Variants in CSMD1 observed in about 807,000 individuals in gnomAD.
CSMD1 encodes CUB and Sushi multiple domains 1.
CSMD1 carries 213 observed loss-of-function variants against 417.5 expected under a neutral mutation model. The ratio of observed to expected loss-of-function variants is 0.51; its 90% CI spans 0.46 to 0.57. The LOEUF is 0.57. Ranked by LOEUF, CSMD1 falls within the 20% of genes least tolerant of loss-of-function variation. The pLI, the probability that CSMD1 is intolerant of heterozygous loss-of-function variation, is 0.00. For synonymous variants in CSMD1, 2,862 were observed against 1,736.8 expected (o/e 1.65, Z -16.11); for missense variants, 6,923 against 4,529.7 (o/e 1.53, Z -15.17).
intron 1 of CSMD1, among the ~76,000 whole-genome samples, chr8:4,796,664 G>A (rs1797999117): frequency 6.6e-6 from 1 of 152,126 alleles, no homozygotes; most frequent in Non-Finnish European, 1.5e-5. Context: ...AAACAAATGA[G>A]CAACCAACTC....
intron 11 of CSMD1, among the ~76,000 whole-genome samples, chr8:3,479,423 G>C (rs1309839328): frequency 6.6e-6 from 1 of 152,114 alleles, no homozygotes; most frequent in African/African-American, 2.4e-5. Flanking sequence ...TGGGATTACA[G>C]GCATGCACCA....
In CSMD1 at chr8:4,271,579, A is replaced by C. The variant is rs1585133717; in HGVS notation, c.415+148374T>G. ...TACATTTCAAAAGAGAGAAAAAAAAAAGGCAAAGAAAATCTCAGGTGCCTG... is the reference window on the plus strand; with the variant it reads ...TACATTTCAAAAGAGAGAAAAAAAACAGGCAAAGAAAATCTCAGGTGCCTG... On this transcript the variant is annotated intron_variant, in intron 3 of 69. Coordinates refer to ENST00000635120, the MANE Select transcript of CSMD1 (RefSeq NM_033225.6). Among the ~76,000 whole-genome samples, 3 of 152,252 alleles carry C rather than the reference A, an allele frequency of 2.0e-5. No individual in the cohort carries two copies. The East Asian group carries it at 5.8e-4, about 29-fold the overall frequency.
chr8:3,291,021 G>A (rs1478776993), intron 25 of CSMD1, among the ~76,000 whole-genome samples: 1 of 152,108 alleles, frequency 6.6e-6, no homozygotes, highest in Non-Finnish European at 1.5e-5. Flanking sequence ...TTTTTTGAGA[G>A]TTTTTAGCAT....
At chr8:3,511,802 CAT>C (rs1797082666) in intron 10 of CSMD1, among the ~76,000 whole-genome samples, 1 of 149,320 alleles carries the variant, frequency 6.7e-6, no homozygotes, top group Non-Finnish European at 1.5e-5. Flanking sequence ...CATAACATAA[CAT>C]AACATAACAT....
At chr8:3,180,440 G>A (rs1364210849) in intron 37 of CSMD1, among the ~76,000 whole-genome samples, 2 of 152,108 alleles carry the variant, frequency 1.3e-5, no homozygotes, top group South Asian at 2.1e-4. Flanking sequence ...GCAGAAGTCA[G>A]GATTGTCCAC....
rs1225614618 is a variant in CSMD1 at position 4,792,287 on chromosome 8, TA to T, written c.86-154730del. ...CAAACACATCCTAACTACACCCCTA[TA>T]AAGGTGCATGGTCCCTAAGAGTTCT... On this transcript the variant is annotated intron_variant, in intron 1 of 69. Coordinates refer to ENST00000635120, the MANE Select transcript of CSMD1 (RefSeq NM_033225.6). Among the ~76,000 whole-genome samples, 3 of 152,268 alleles carry T rather than the reference TA, an allele frequency of 2.0e-5. No homozygotes were observed. The East Asian group carries it at 5.8e-4, about 29-fold the overall frequency.
intron 1 of CSMD1, among the ~76,000 whole-genome samples, chr8:4,928,347 G>A (rs1807015528): frequency 1.3e-5 from 2 of 152,126 alleles, no homozygotes; most frequent in Admixed American, 6.5e-5. Flanking sequence ...CGGTATCACT[G>A]TCTGTGGTTA....
chr8:3,044,533 C>A (rs1030112126), intron 50 of CSMD1, among the ~76,000 whole-genome samples: 1 of 152,050 alleles, frequency 6.6e-6, no homozygotes, highest in Admixed American at 6.6e-5. Context: ...GACTGTTAAA[C>A]CCAGTCCGTT....
At chr8:3,395,082 G>A (rs778768792) in intron 17 of CSMD1, among the ~76,000 whole-genome samples, 1 of 152,110 alleles carries the variant, frequency 6.6e-6, no homozygotes, top group Non-Finnish European at 1.5e-5. Context: ...AGTAATAGGA[G>A]GTGATGTGGG....
intron 23 of CSMD1, among the ~76,000 whole-genome samples, chr8:3,315,354 G>C (rs532834523): frequency 6.6e-6 from 1 of 151,478 alleles, no homozygotes; most frequent in Non-Finnish European, 1.5e-5. Context: ...CCTGAAATGT[G>C]TGATTATTTC....
intron 52 of CSMD1, among the ~76,000 whole-genome samples, chr8:3,013,967 G>A (rs909868755): frequency 6.6e-6 from 1 of 152,046 alleles, no homozygotes; most frequent in African/African-American, 2.4e-5. Context: ...ATATGAGCCT[G>A]CTCTTACCCA....
chr8:4,075,598 C>G (rs1180054526), intron 3 of CSMD1, among the ~76,000 whole-genome samples: 1 of 152,154 alleles, frequency 6.6e-6, no homozygotes, highest in Non-Finnish European at 1.5e-5. Flanking sequence ...CCTTGTTCTG[C>G]ATAGCGGAGT....
At chr8:4,207,638 G>C (rs912267258) in intron 3 of CSMD1, among the ~76,000 whole-genome samples, 1 of 151,950 alleles carries the variant, frequency 6.6e-6, no homozygotes. Flanking sequence ...TATGAAGAGG[G>C]GGTTGTTTAT....
At chr8:3,750,343 C>T (rs576001653) in intron 6 of CSMD1, among the ~76,000 whole-genome samples, 8 of 149,464 alleles carry the variant, frequency 5.4e-5, no homozygotes, top group Admixed American at 4.0e-4. Flanking sequence ...TTATATATAT[C>T]ATATATATAT....
At chr8:3,523,813 AC>A (rs1192720417) in intron 10 of CSMD1, among the ~76,000 whole-genome samples, 1 of 148,566 alleles carries the variant, frequency 6.7e-6, no homozygotes, top group Non-Finnish European at 1.5e-5. Context: ...GCACATACAC[AC>A]ACGCACATAT....
intron 41 of CSMD1, among the ~76,000 whole-genome samples, chr8:3,136,106 T>A (rs745568595): frequency 3.9e-5 from 6 of 152,096 alleles, no homozygotes; most frequent in Non-Finnish European, 8.8e-5. Context: ...CCCCCCCTCA[T>A]GCATTACATC....
intron 51 of CSMD1, among the ~76,000 whole-genome samples, chr8:3,027,513 A>C (rs1274707738): frequency 1.3e-5 from 2 of 152,234 alleles, no homozygotes. Context: ...CATTTTTTTA[A>C]AAGTCAACAA....
chr8:3,425,397 G>T lies in CSMD1; in HGVS notation c.1562-15792C>A, dbSNP rs116885402. Among the ~76,000 whole-genome samples, 1,466 of 151,998 alleles carry T rather than the reference G, an allele frequency of 9.6e-3. 19 individuals are homozygous for T. The highest frequency in any genetic ancestry group is 0.068 in the Middle Eastern group (20 of 294). On this transcript the variant is annotated intron_variant, in intron 12 of 69. Transcript: ENST00000635120. ...GAGGTCAAGAGATCCAGACCATCGT[G>T]GCCAACATGGTGAAACCCTGTCTCT... is the stretch of plus-strand genomic sequence containing the variant.
intron 54 of CSMD1, among the ~76,000 whole-genome samples, chr8:2,996,878 T>A (rs1806943993): frequency 6.6e-6 from 1 of 152,248 alleles, no homozygotes; most frequent in African/African-American, 2.4e-5. Flanking sequence ...GTGAAATCAG[T>A]AACCATGTTC....
Sources: allele counts gnomAD v4.1 joint callset (sites outside exome capture counted in the v4.1 genomes callset), GRCh38; gene constraint gnomAD v4.1.1; transcripts MANE v1.5; gene names NCBI Gene and HGNC (gene_info 2026-07-23, HGNC 2026-07-21).